Variants in NKD1 observed in about 807,000 individuals in gnomAD.
NKD1 encodes protein naked cuticle homolog 1.
A neutral mutation model predicts 56.0 loss-of-function variants in NKD1; 21 were observed. The observed-to-expected ratio is 0.38, with a 90% CI of 0.27 to 0.54. The LOEUF (loss-of-function observed/expected upper bound fraction) is 0.54, where lower values mean the gene tolerates loss of function less well. NKD1 is among the 20% of genes least tolerant of loss of function. The pLI is 0.82. For synonymous variants in NKD1, 263 were observed against 265.7 expected, an observed-to-expected ratio of 0.99 and a Z score of 0.10; for missense variants, 578 against 642.7, an observed-to-expected ratio of 0.90 and a Z score of 1.09.
chr16:50,565,014 A>G (rs572252255), intron 3 of NKD1, among the ~76,000 whole-genome samples: 71 of 152,280 alleles, frequency 4.7e-4, no homozygotes, highest in African/African-American at 1.7e-3. Flanking sequence ...GTCTTGGCCA[A>G]CAAGACCAGG....
intron 3 of NKD1, among the ~76,000 whole-genome samples, chr16:50,573,458 G>C (rs908998251): frequency 2.6e-5 from 4 of 152,372 alleles, no homozygotes; most frequent in African/African-American, 9.6e-5. Context: ...CTGCCCTGCA[G>C]TGTGAAGCCG....
At chr16:50,583,529 A>G (rs1270627982) in intron 3 of NKD1, among the ~76,000 whole-genome samples, 1 of 152,182 alleles carries the variant, frequency 6.6e-6, no homozygotes, top group African/African-American at 2.4e-5. Flanking sequence ...AAGACTCAGG[A>G]GCTACCAGCA....
chr16:50,612,905 A>G (rs773155971), intron 4 of NKD1, among the ~76,000 whole-genome samples: 24 of 152,064 alleles, frequency 1.6e-4, no homozygotes, highest in Non-Finnish European at 2.8e-4. Context: ...TCTGGGAGGG[A>G]CTGCCCATGG....
chr16:50,642,491 A>G lies in NKD1; in HGVS notation c.*8710A>G, dbSNP rs1962596757. On this transcript the variant is annotated 3_prime_UTR_variant, in exon 10 of 10. Transcript: ENST00000268459. ...TGGTTGAGACTTTGGACCTGAGCTG[A>G]GTCCTGGTTCTACTACTTCCTAGAT... is the stretch of plus-strand genomic sequence containing the variant. 1 of 152,246 alleles carries G rather than the reference A, an allele frequency of 6.6e-6. No homozygotes were observed. The highest frequency in any genetic ancestry group is 1.5e-5 in the Non-Finnish European group (1 of 68,064). The allele number at this position is 152,246 out of a possible 1,614,324, so 9.4% of individuals were successfully genotyped here.
intron 6 of NKD1, 95 bp from the exon 7 acceptor site, chr16:50,630,091 G>A: frequency 8.4e-7 from 1 of 1,189,958 alleles, no homozygotes; most frequent in Non-Finnish European, 1.2e-6. Context: ...AGCCAGAGGG[G>A]TTCAGGCCTG....
intron 4 of NKD1, among the ~76,000 whole-genome samples, chr16:50,617,202 C>T (rs918651802): frequency 9.9e-5 from 15 of 151,996 alleles, no homozygotes; most frequent in African/African-American, 1.4e-4. Flanking sequence ...CATGGGGAGG[C>T]GGGAGGGGTG....
At chr16:50,591,182 G>A (rs375441439) in intron 3 of NKD1, among the ~76,000 whole-genome samples, 1 of 152,114 alleles carries the variant, frequency 6.6e-6, no homozygotes, top group Admixed American at 6.5e-5. Context: ...TGACTGTTAG[G>A]CTGAGGCTGA....
At chr16:50,582,131 A>G (rs1008611100) in intron 3 of NKD1, among the ~76,000 whole-genome samples, 1 of 152,206 alleles carries the variant, frequency 6.6e-6, no homozygotes, top group African/African-American at 2.4e-5. Flanking sequence ...TGAGAAGGCC[A>G]GAGTGCATTG....
chr16:50,590,446 C>T (rs1398814529), intron 3 of NKD1, among the ~76,000 whole-genome samples: 2 of 152,184 alleles, frequency 1.3e-5, no homozygotes, highest in African/African-American at 4.8e-5. Flanking sequence ...GATGGTCATC[C>T]TTCTTTTACA....
chr16:50,622,658 A>G (rs1962118560), intron 5 of NKD1, among the ~76,000 whole-genome samples: 1 of 152,176 alleles, frequency 6.6e-6, no homozygotes. Flanking sequence ...GATAATGGTG[A>G]TGTCTGTCGC....
chr16:50,627,956 TAGAG>T (rs770806704), intron 6 of NKD1, among the ~76,000 whole-genome samples: 5 of 151,686 alleles, frequency 3.3e-5, no homozygotes, highest in African/African-American at 9.7e-5. Flanking sequence ...CTGCCCAAGA[TAGAG>T]AGAGTGAGCA....
chr16:50,621,009 A>G (rs1192046242), intron 4 of NKD1, among the ~76,000 whole-genome samples: 1 of 152,170 alleles, frequency 6.6e-6, no homozygotes, highest in East Asian at 1.9e-4. Flanking sequence ...GGTGTGATGC[A>G]TGAGTGTACA....
At chr16:50,629,456 C>A (rs1338492010) in intron 6 of NKD1, among the ~76,000 whole-genome samples, 1 of 152,192 alleles carries the variant, frequency 6.6e-6, no homozygotes, top group African/African-American at 2.4e-5. Context: ...CATTTCGAAC[C>A]CGAAGCAGAT....
rs1359472266 is a variant in NKD1 at position 50,623,685 on chromosome 16, C to G, written c.367-1800C>G. On this transcript the variant is annotated intron_variant, in intron 5 of 9. Coordinates refer to ENST00000268459, the MANE Select transcript of NKD1 (RefSeq NM_033119.5). The surrounding 1 kb of genome is among the most constrained non-coding windows in gnomAD (Gnocchi z 4.1). Reference sequence around the variant, plus strand: ...GTGGCCAGTTACTCAACTCATGTTTCTGAAGCTCAGACCCAAGCTGTCTTG... The same window carrying G: ...GTGGCCAGTTACTCAACTCATGTTTGTGAAGCTCAGACCCAAGCTGTCTTG... 6.6e-6 allele frequency among the ~76,000 whole-genome samples: 1 copy of G among 151,562 alleles called. No homozygotes were observed. Among genetic ancestry groups the G allele is most frequent in the East Asian group, 1.9e-4 (1 of 5,166 alleles).
intron 3 of NKD1, among the ~76,000 whole-genome samples, chr16:50,576,029 G>A (rs1960986958): frequency 2.0e-5 from 3 of 152,218 alleles, no homozygotes; most frequent in Admixed American, 2.0e-4. Flanking sequence ...CTGCCGTAGG[G>A]GAGCATCTGG....
At chr16:50,612,034 A>G (rs1378364366) in intron 4 of NKD1, among the ~76,000 whole-genome samples, 1 of 152,178 alleles carries the variant, frequency 6.6e-6, no homozygotes, top group East Asian at 1.9e-4. Flanking sequence ...TAATCCTGTT[A>G]GAATCTCCAA....
chr16:50,575,126 A>G, intron 3 of NKD1: 11 of 983,616 alleles, frequency 1.1e-5, no homozygotes, highest in Non-Finnish European at 1.3e-5. Context: ...GCCAAGAAGT[A>G]TATTCTAAGA....
intron 3 of NKD1, among the ~76,000 whole-genome samples, chr16:50,567,156 A>G (rs2151265642): frequency 6.6e-6 from 1 of 152,190 alleles, no homozygotes; most frequent in African/African-American, 2.4e-5. Flanking sequence ...TAGTTTTCTT[A>G]CCTATAAAAA....
rs2151264146 is a variant in NKD1, at chr16:50,562,280, G to GAAAAAGTCT, written c.192+12727_192+12735dup. 3 of 982,190 alleles carry GAAAAAGTCT rather than the reference G, an allele frequency of 3.1e-6. No individual in the cohort carries two copies. In the Admixed American group the frequency reaches 1.8e-4, roughly 60 times the overall value. 60.8% of individuals were successfully genotyped at this position (982,190 alleles called of 1,614,324 possible). ...GCCATGGTCCTGTTTCTTACAGTGT[G>GAAAAAGTCT]AAAAAGTCTATTCAGGCCTGTGTCA... On this transcript the variant is annotated intron_variant, in intron 3 of 9. Coordinates refer to ENST00000268459, the MANE Select transcript of NKD1 (RefSeq NM_033119.5).
Sources: allele counts gnomAD v4.1 joint callset (sites outside exome capture counted in the v4.1 genomes callset), GRCh38; gene constraint gnomAD v4.1.1; non-coding constraint Gnocchi (gnomAD v3.1); transcripts MANE v1.5; gene names NCBI Gene and HGNC (gene_info 2026-07-23, HGNC 2026-07-21).